PARD3: variants seen among roughly 807,000 people sequenced by gnomAD.
PARD3 encodes the protein partitioning defective 3 homolog.
Under a neutral mutation model 155.4 loss-of-function variants are expected in PARD3, and 75 were observed. The ratio of observed to expected loss-of-function variants is 0.48; its 90% CI spans 0.40 to 0.58. The LOEUF (loss-of-function observed/expected upper bound fraction) is 0.58. PARD3 is among the 20% of genes least tolerant of loss of function. PARD3 has a pLI of 0.00. For missense variants in PARD3, 1,642 were observed against 1,721.7 expected, an observed-to-expected ratio of 0.95 and a Z score of 0.82; for synonymous variants, 576 against 610.5, an observed-to-expected ratio of 0.94 and a Z score of 0.83.
intron 2 of PARD3, among the ~76,000 whole-genome samples, chr10:34,671,219 G>T (rs1346334888): frequency 6.6e-6 from 1 of 152,230 alleles, no homozygotes; most frequent in Non-Finnish European, 1.5e-5. Context: ...GGTTCCAATG[G>T]AAGTGGAGAA....
intron 23 of PARD3, among the ~76,000 whole-genome samples, chr10:34,124,390 G>A (rs1399016097): frequency 6.6e-6 from 1 of 152,188 alleles, no homozygotes; most frequent in African/African-American, 2.4e-5. Flanking sequence ...GCAATTTAAA[G>A]ATTTGGTAGG....
intron 2 of PARD3, among the ~76,000 whole-genome samples, chr10:34,622,827 C>CTT (rs567045063): frequency 1.3e-3 from 146 of 113,484 alleles, no homozygotes; most frequent in African/African-American, 3.9e-3. Context: ...TTCTTTTTTT[C>CTT]TTTTTTTTTT....
At chr10:34,682,245 A>G in intron 2 of PARD3, among the ~76,000 whole-genome samples, 1 of 149,992 alleles carries the variant, frequency 6.7e-6, no homozygotes, top group East Asian at 1.9e-4. Flanking sequence ...GCAGTATAGC[A>G]CACATTCAGA....
intron 22 of PARD3, among the ~76,000 whole-genome samples, chr10:34,229,390 T>C (rs1325451967): frequency 6.6e-6 from 1 of 151,908 alleles, no homozygotes; most frequent in East Asian, 1.9e-4. Flanking sequence ...CAGCTAATTT[T>C]AGAATTTTAG....
intron 20 of PARD3, among the ~76,000 whole-genome samples, chr10:34,307,344 G>C (rs1257503038): frequency 6.6e-6 from 1 of 152,096 alleles, no homozygotes; most frequent in Non-Finnish European, 1.5e-5. Flanking sequence ...CTGTCACAAA[G>C]GGATGTTACC....
intron 20 of PARD3, among the ~76,000 whole-genome samples, chr10:34,291,215 C>T (rs1956660646): frequency 6.6e-6 from 1 of 152,146 alleles, no homozygotes; most frequent in Admixed American, 6.5e-5. Context: ...TGTAGATTGT[C>T]CTACTACACT....
intron 1 of PARD3, among the ~76,000 whole-genome samples, chr10:34,790,089 T>C (rs1841458030): frequency 6.6e-6 from 1 of 152,198 alleles, no homozygotes; most frequent in Middle Eastern, 3.2e-3. Flanking sequence ...GGTTAATTAT[T>C]GATGAATCTG....
At chr10:34,216,892 T>G (rs1434034059) in intron 22 of PARD3, among the ~76,000 whole-genome samples, 3 of 152,236 alleles carry the variant, frequency 2.0e-5, no homozygotes, top group Non-Finnish European at 4.4e-5. Flanking sequence ...GTCCACATTT[T>G]TAGCAAATGC....
chr10:34,713,195 G>A (rs1350591275), intron 1 of PARD3, among the ~76,000 whole-genome samples: 4 of 151,226 alleles, frequency 2.6e-5, no homozygotes, highest in Admixed American at 1.3e-4. Flanking sequence ...CTAGGTGACA[G>A]AGTGAGACTC....
intron 22 of PARD3, among the ~76,000 whole-genome samples, chr10:34,177,632 A>C (rs1317773221): frequency 6.6e-6 from 1 of 152,158 alleles, no homozygotes; most frequent in Non-Finnish European, 1.5e-5. Flanking sequence ...ACCTCAACCC[A>C]CTGGGCAATT....
chr10:34,792,091 CCT>C (rs1841710407), intron 1 of PARD3, among the ~76,000 whole-genome samples: 1 of 152,256 alleles, frequency 6.6e-6, no homozygotes. Flanking sequence ...AGATATGCGC[CCT>C]GTTCCTGCCT....
intron 20 of PARD3, among the ~76,000 whole-genome samples, chr10:34,314,345 T>C (rs1160003330): frequency 6.6e-6 from 1 of 152,222 alleles, no homozygotes; most frequent in Admixed American, 6.5e-5. Context: ...GACTAATGAC[T>C]ATCCTCATCG....
chr10:34,316,992 C>T (rs1958047928), intron 20 of PARD3, 115 bp downstream of exon 20: 1 of 925,784 alleles, frequency 1.1e-6, no homozygotes, highest in Admixed American at 3.6e-5. Flanking sequence ...AGTTCAGCCT[C>T]CCAAGTAGCT....
At chr10:34,514,865 T>C (rs1253511385) in intron 3 of PARD3, among the ~76,000 whole-genome samples, 1 of 152,068 alleles carries the variant, frequency 6.6e-6, no homozygotes, top group Non-Finnish European at 1.5e-5. Flanking sequence ...ATAAAGAAAT[T>C]AACCTTTCTT....
At chr10:34,488,350 C>T (rs1220093047) in intron 3 of PARD3, among the ~76,000 whole-genome samples, 2 of 151,802 alleles carry the variant, frequency 1.3e-5, no homozygotes, top group Non-Finnish European at 2.9e-5. Flanking sequence ...GACAGAGTCT[C>T]GCTCTGTCAC....
In PARD3 at chr10:34,111,029, C is replaced by T; in HGVS notation, c.*140G>A. 1 of 893,078 alleles carries T rather than the reference C, an allele frequency of 1.1e-6. No individual in the cohort carries two copies. The allele number at this position is 893,078 out of a possible 1,614,324, so 55.3% of individuals were successfully genotyped here. A position where few individuals can be genotyped will look rare whatever the true frequency, so the allele number is the denominator to read the frequency against. ...ACATTAAGGCCTTCCATTTCTTTGC[C>T]TACACCGCTTAAAGGCACTGATACC... is the stretch of plus-strand genomic sequence containing the variant. On this transcript the variant is annotated 3_prime_UTR_variant, in exon 25 of 25. Coordinates refer to ENST00000374788, the MANE Select transcript of PARD3 (RefSeq NM_001184785.2).
At chr10:34,492,209 A>G (rs1342161915) in intron 3 of PARD3, among the ~76,000 whole-genome samples, 5 of 152,176 alleles carry the variant, frequency 3.3e-5, no homozygotes, top group African/African-American at 9.7e-5. Flanking sequence ...ATTACCATAC[A>G]TTGAATCAAC....
chr10:34,138,530 C>T (rs12242713), intron 22 of PARD3, among the ~76,000 whole-genome samples: 1,766 of 152,220 alleles, frequency 0.012, 35 homozygotes, highest in African/African-American at 0.04. Context: ...CTCAAGGGCT[C>T]ATTACTGGTT....
chr10:34,570,588 C>G (rs949852442), intron 2 of PARD3, among the ~76,000 whole-genome samples: 2 of 152,192 alleles, frequency 1.3e-5, no homozygotes, highest in Non-Finnish European at 2.9e-5. Context: ...ACTAAAGTTT[C>G]GATGCCTTGG....
Sources: allele counts gnomAD v4.1 joint callset (sites outside exome capture counted in the v4.1 genomes callset), GRCh38; gene constraint gnomAD v4.1.1; transcripts MANE v1.5; gene names NCBI Gene and HGNC (gene_info 2026-07-23, HGNC 2026-07-21).